The following DLGAP2 variants were observed in gnomAD, a reference collection of about 807,000 sequenced individuals.
DLGAP2 encodes disks large-associated protein 2.
Under a neutral mutation model 100.3 loss-of-function variants are expected in DLGAP2, and 26 were observed. The ratio of observed to expected loss-of-function variants is 0.26; its 90% CI spans 0.19 to 0.36. The LOEUF (loss-of-function observed/expected upper bound fraction) is 0.36. Ranked by LOEUF, DLGAP2 falls within the 10% of genes least tolerant of loss-of-function variation. DLGAP2 has a pLI of 1.00. For missense variants in DLGAP2, 1,858 were observed against 1,453.2 expected (o/e 1.28, Z -4.53); for synonymous variants, 886 against 630.1 (o/e 1.41, Z -6.08).
intron 2 of DLGAP2, among the ~76,000 whole-genome samples, chr8:1,027,115 G>A (rs1009766045): frequency 3.3e-5 from 5 of 151,860 alleles, no homozygotes; most frequent in Admixed American, 1.3e-4. Context: ...TTTTTTTTAC[G>A]TAAATTGTTT....
chr8:1,631,769 C>A (rs761859760), intron 7 of DLGAP2, among the ~76,000 whole-genome samples: 1 of 152,224 alleles, frequency 6.6e-6, no homozygotes, highest in Non-Finnish European at 1.5e-5. Context: ...AAGAGGCCGT[C>A]CTTCCAGCAC....
At chr8:1,635,390 CA>C (rs1797742786) in intron 8 of DLGAP2, among the ~76,000 whole-genome samples, 1 of 152,106 alleles carries the variant, frequency 6.6e-6, no homozygotes, top group South Asian at 2.1e-4. Context: ...AGGCGGATTT[CA>C]AAAATTTTCT....
rs763129435 is a variant in DLGAP2 at position 1,668,498 on chromosome 8, C to G, written c.1980C>G (p.Leu660=). Residue 660 remains leucine (L), a synonymous_variant, in exon 9 of 15, where the codon CTC becomes CTG. Coordinates refer to ENST00000637795, the MANE Select transcript of DLGAP2 (RefSeq NM_001346810.2). ...MSPWPQDSRG[L]YNSTDSLDSN... ...CGTGGCCCCAGGACAGCCGCGGCCT[C>G]TACAACTCCACGGACAGCCTGGACA... 6.3e-7 allele frequency: 1 copy of G among 1,594,378 alleles called. No homozygotes were observed. The highest frequency in any genetic ancestry group is 1.1e-5 in the South Asian group (1 of 87,738).
In DLGAP2 at chr8:1,624,673, A is replaced by C. The variant is rs377426042; in HGVS notation, c.1443-2067A>C. ...AGTCGACCTGGGGGATCCACAGAGGAGGGGAGGGGACAGGGCCCCTGCTGG... is the reference window on the plus strand; with the variant it reads ...AGTCGACCTGGGGGATCCACAGAGGCGGGGAGGGGACAGGGCCCCTGCTGG... On this transcript the variant is annotated intron_variant, in intron 6 of 14. Coordinates refer to ENST00000637795, the MANE Select transcript of DLGAP2 (RefSeq NM_001346810.2). Among the ~76,000 whole-genome samples the C allele has an allele frequency of 4.3e-4, 65 of 152,032 alleles. 1 individual carries two copies. The highest frequency in any genetic ancestry group is 1.5e-3 in the African/African-American group (62 of 41,482).
intron 6 of DLGAP2, among the ~76,000 whole-genome samples, chr8:1,584,894 A>C (rs1483539008): frequency 6.6e-6 from 1 of 151,966 alleles, no homozygotes; most frequent in African/African-American, 2.4e-5. Flanking sequence ...TTTTTACCTC[A>C]TTTCTTTCTT....
In DLGAP2 at chr8:1,424,095, G is replaced by A. The variant is rs371118161; in HGVS notation, c.107-77271G>A. On this transcript the variant is annotated intron_variant, in intron 3 of 14. Transcript: ENST00000637795. ...CTCCCATGGCACTCAGAGGACACCA[G>A]CATGAAGGTCCTTGTGAACTAAAGC... 3.3e-5 allele frequency among the ~76,000 whole-genome samples: 5 copies of A among 152,360 alleles called. No homozygotes were observed. In the South Asian group the frequency reaches 6.2e-4, roughly 19 times the overall value.
At position 1,565,296 on chromosome 8, in the gene DLGAP2, C is replaced by G. The variant is rs553845699; in HGVS notation, c.1231-387C>G. On this transcript the variant is annotated intron_variant, in intron 5 of 14. Coordinates refer to ENST00000637795, the MANE Select transcript of DLGAP2 (RefSeq NM_001346810.2). Reference sequence around the variant, plus strand: ...ATACAATAAGATAGGCATTTTCTCCCTTGTTTTCTTTTTTTTTTTTCCTTT... The same window carrying G: ...ATACAATAAGATAGGCATTTTCTCCGTTGTTTTCTTTTTTTTTTTTCCTTT... Among the ~76,000 whole-genome samples, 438 of 78,572 alleles carry G rather than the reference C, an allele frequency of 5.6e-3. 2 individuals carry two copies. The highest frequency in any genetic ancestry group is 0.021 in the African/African-American group (406 of 19,424). The allele number at this position is 78,572 out of a possible 152,430, so 51.5% of individuals were successfully genotyped here. A position where few individuals can be genotyped will look rare whatever the true frequency, so the allele number is the denominator to read the frequency against.
chr8:1,131,631 C>T (rs1796297175), intron 2 of DLGAP2, among the ~76,000 whole-genome samples: 1 of 152,038 alleles, frequency 6.6e-6, no homozygotes, highest in African/African-American at 2.4e-5. Context: ...CAGTGACTTT[C>T]ATGAGAATGA....
intron 2 of DLGAP2, among the ~76,000 whole-genome samples, chr8:1,121,568 A>G (rs200946500): frequency 7.7e-5 from 10 of 130,338 alleles, no homozygotes; most frequent in Non-Finnish European, 1.7e-4. Context: ...TCTTCTTCCC[A>G]TTAGAACCCA....
intron 1 of DLGAP2, among the ~76,000 whole-genome samples, chr8:878,466 C>T (rs568905546): frequency 2.6e-5 from 4 of 152,200 alleles, no homozygotes; most frequent in African/African-American, 9.6e-5. Flanking sequence ...GTGGGGACTG[C>T]AGAGCTATTG....
At chr8:1,308,302 G>C (rs1267051781) in intron 3 of DLGAP2, among the ~76,000 whole-genome samples, 2 of 152,184 alleles carry the variant, frequency 1.3e-5, no homozygotes, top group African/African-American at 4.8e-5. Flanking sequence ...AGAGACTCCA[G>C]TGACTGCACA....
chr8:1,522,836 A>C (rs552079750), intron 4 of DLGAP2, among the ~76,000 whole-genome samples: 1 of 152,220 alleles, frequency 6.6e-6, no homozygotes, highest in Admixed American at 6.5e-5. Flanking sequence ...GCCTCATGGG[A>C]TATCAAGAGG....
At chr8:1,533,812 C>G (rs188397658) in intron 4 of DLGAP2, among the ~76,000 whole-genome samples, 1 of 152,094 alleles carries the variant, frequency 6.6e-6, no homozygotes, top group African/African-American at 2.4e-5. Flanking sequence ...TAAAAAATAG[C>G]CTGGCACAGC....
chr8:1,450,746 C>A (rs947819275), intron 3 of DLGAP2, among the ~76,000 whole-genome samples: 1 of 152,084 alleles, frequency 6.6e-6, no homozygotes, highest in African/African-American at 2.4e-5. Flanking sequence ...CCGTCCTCCA[C>A]GCAGCATGGC....
At chr8:942,851 C>T (rs967760443) in intron 2 of DLGAP2, among the ~76,000 whole-genome samples, 1 of 152,224 alleles carries the variant, frequency 6.6e-6, no homozygotes, top group African/African-American at 2.4e-5. Flanking sequence ...GGAAAAGGTG[C>T]ACAGGTTGGA....
chr8:1,019,927 G>A (rs1801581363), intron 2 of DLGAP2, among the ~76,000 whole-genome samples: 1 of 152,128 alleles, frequency 6.6e-6, no homozygotes, highest in African/African-American at 2.4e-5. Context: ...GCAGGGCGTG[G>A]GGAGGGACAA....
At chr8:942,458 C>G (rs76435947) in intron 2 of DLGAP2, among the ~76,000 whole-genome samples, 238 of 152,342 alleles carry the variant, frequency 1.6e-3, no homozygotes, top group Middle Eastern at 3.4e-3. Context: ...TTTTCCCACT[C>G]ACATCATCCA....
chr8:1,361,596 G>A (rs897492535), intron 3 of DLGAP2, among the ~76,000 whole-genome samples: 5 of 152,216 alleles, frequency 3.3e-5, no homozygotes, highest in African/African-American at 1.2e-4. Flanking sequence ...TACTGAGCTT[G>A]ATACATTCTT....
chr8:899,785 TA>T (rs1798214161), intron 1 of DLGAP2, among the ~76,000 whole-genome samples: 2 of 152,360 alleles, frequency 1.3e-5, no homozygotes, highest in South Asian at 4.1e-4. Context: ...CTAAAGCGTG[TA>T]TTCACATCTC....
Sources: allele counts gnomAD v4.1 joint callset (sites outside exome capture counted in the v4.1 genomes callset), GRCh38; gene constraint gnomAD v4.1.1; transcripts MANE v1.5; gene names NCBI Gene and HGNC (gene_info 2026-07-23, HGNC 2026-07-21).